ADGRV1: variants seen among roughly 807,000 people sequenced by gnomAD.
ADGRV1 encodes G-protein coupled receptor 98.
In ADGRV1, 359 loss-of-function variants were observed where a neutral mutation model predicts 596.2. The observed-to-expected ratio is 0.60, with a 90% CI of 0.55 to 0.66. ADGRV1 has a LOEUF of 0.66. ADGRV1 is among the 30% of genes least tolerant of loss of function. ADGRV1 has a pLI of 0.00. For missense variants in ADGRV1, 7,274 were observed against 7,575.6 expected, an observed-to-expected ratio of 0.96 and a Z score of 1.48; for synonymous variants, 2,681 against 2,679.2, an observed-to-expected ratio of 1.00 and a Z score of -0.02.
intron 84 of ADGRV1, among the ~76,000 whole-genome samples, chr5:90,967,764 T>G (rs6860111): frequency 0.5 from 76,111 of 151,768 alleles, 20,663 homozygotes; most frequent in African/African-American, 0.71. Flanking sequence ...AAAACTAGAG[T>G]GAAAGAGACA....
intron 61 of ADGRV1, among the ~76,000 whole-genome samples, chr5:90,777,197 G>A (rs1758337789): frequency 6.6e-6 from 1 of 152,110 alleles, no homozygotes; most frequent in African/African-American, 2.4e-5. Context: ...GGTGGAAGGG[G>A]TGGAGGGGTG....
intron 85 of ADGRV1, among the ~76,000 whole-genome samples, chr5:91,027,767 G>A (rs747225169): frequency 1.3e-5 from 2 of 152,126 alleles, no homozygotes; most frequent in Non-Finnish European, 2.9e-5. Context: ...AGTAAACAGC[G>A]GCCAAAGATA....
intron 83 of ADGRV1, among the ~76,000 whole-genome samples, chr5:90,926,520 T>C (rs1295486004): frequency 1.3e-5 from 2 of 151,754 alleles, no homozygotes; most frequent in Non-Finnish European, 2.9e-5. Context: ...GATTCTTCTC[T>C]CTTTTTTTTC....
At chr5:90,889,608 A>AT in intron 83 of ADGRV1, among the ~76,000 whole-genome samples, 1 of 151,896 alleles carries the variant, frequency 6.6e-6, no homozygotes, top group Non-Finnish European at 1.5e-5. Context: ...TTTTTTCCTC[A>AT]TTTTTTCACC....
In ADGRV1 at chr5:91,102,445, G is replaced by C. The variant is rs946997193; in HGVS notation, c.18432+105G>C. 2.2e-5 allele frequency: 21 copies of C among 969,536 alleles called. 2 individuals are homozygous for C. In the South Asian group the frequency reaches 4.5e-4, roughly 21 times the overall value. 60.1% of individuals were successfully genotyped at this position (969,536 alleles called of 1,614,324 possible). A position where few individuals can be genotyped will look rare whatever the true frequency, so the allele number is the denominator to read the frequency against. ...CAAGCATCCACACACAGGTGAATTT[G>C]TGTACATAATAACATCATATAGAGT... On this transcript the variant is annotated intron_variant, in intron 87 of 89. Coordinates refer to ENST00000405460, the MANE Select transcript of ADGRV1 (RefSeq NM_032119.4).
Position 90,853,344 on chromosome 5 carries a change from T to A in ADGRV1, c.17265T>A (p.Pro5755=). 6.2e-7 allele frequency: 1 copy of A among 1,613,450 alleles called. No individual in the cohort carries two copies. Among genetic ancestry groups the A allele is most frequent in the South Asian group, 1.1e-5 (1 of 91,032 alleles). Residue 5755 remains proline (P), a synonymous_variant, in exon 80 of 90, where the codon CCT becomes CCA. Transcript: ENST00000405460. The stretch of plus-strand genomic sequence containing the variant: ...CAATATTGGCTCTTCACTGGTATCC[T>A]CAGCAAATCAATGGACACAAGTTTG... ...YLSILALHWY[P]QQINGHKFEG... is the part of the protein sequence containing the mutation.
intron 57 of ADGRV1, 73 bp from the exon 58 acceptor site, chr5:90,759,332 ATTAT>A (rs1252282277): frequency 9.1e-7 from 1 of 1,100,396 alleles, no homozygotes; most frequent in East Asian, 2.6e-5. Flanking sequence ...CTGTGATTAC[ATTAT>A]TTCTTTCCTC....
intron 84 of ADGRV1, 22 bp downstream of exon 84, chr5:90,965,553 C>A (rs756847735): frequency 7.3e-7 from 1 of 1,362,368 alleles, no homozygotes; most frequent in Non-Finnish European, 1.0e-6. Context: ...ATTCCCTCTC[C>A]CCGCCCCTTT....
intron 39 of ADGRV1, among the ~76,000 whole-genome samples, chr5:90,710,266 A>C (rs1050654168): frequency 6.6e-6 from 1 of 152,206 alleles, no homozygotes; most frequent in African/African-American, 2.4e-5. Context: ...AACCAAACCA[A>C]AACACTAATC....
chr5:90,923,430 T>C (rs1774078228), intron 83 of ADGRV1, among the ~76,000 whole-genome samples: 2 of 151,968 alleles, frequency 1.3e-5, no homozygotes, highest in South Asian at 4.1e-4. Flanking sequence ...TGTTTAAATA[T>C]ATAAAATTTA....
chr5:90,963,361 T>C (rs1778184354), intron 83 of ADGRV1, among the ~76,000 whole-genome samples: 1 of 152,060 alleles, frequency 6.6e-6, no homozygotes, highest in Admixed American at 6.6e-5. Context: ...TGACCTATAA[T>C]AAAGGTCAGA....
rs560519425 is a variant in ADGRV1, at chr5:91,064,416, T to G, written c.18153-8031T>G. Among the ~76,000 whole-genome samples, 137 of 152,356 alleles carry G rather than the reference T, an allele frequency of 9.0e-4. No individual in the cohort carries two copies. The Middle Eastern group carries it at 0.014, about 15-fold the overall frequency. On this transcript the variant is annotated intron_variant, in intron 85 of 89. Coordinates refer to ENST00000405460, the MANE Select transcript of ADGRV1 (RefSeq NM_032119.4). The stretch of plus-strand genomic sequence containing the variant: ...AACAATAATGGGTTCTAGTTATGTT[T>G]CAGTGGGATAATGCATGTGAGGATT...
At position 90,851,134 on chromosome 5, in the gene ADGRV1, T is replaced by TGTGTGTGTGTGTGTGAGAGAGA. The variant is rs757909771; in HGVS notation, c.17205-2149_17205-2148insTGTGTGTGTGTGTGAGAGAGAG. On this transcript the variant is annotated intron_variant, in intron 79 of 89. Transcript: ENST00000405460. ...GTGTGTGTGTGTGTGTGTGTGTGTG[T>TGTGTGTGTGTGTGTGAGAGAGA]GAGAGAGAGAGAGAGAGAGAGAGAG... Among the ~76,000 whole-genome samples, 126 of 81,488 alleles carry TGTGTGTGTGTGTGTGAGAGAGA rather than the reference T, an allele frequency of 1.5e-3. 1 individual carries two copies. Among genetic ancestry groups the TGTGTGTGTGTGTGTGAGAGAGA allele is most frequent in the Non-Finnish European group, 2.6e-3 (99 of 37,928 alleles). The allele number at this position is 81,488 out of a possible 152,430, so 53.5% of individuals were successfully genotyped here.
At chr5:91,049,586 A>G (rs777629644) in intron 85 of ADGRV1, among the ~76,000 whole-genome samples, 3 of 152,238 alleles carry the variant, frequency 2.0e-5, no homozygotes, top group African/African-American at 2.4e-5. Context: ...TATTAATTCA[A>G]AATCAAGACA....
In ADGRV1 at chr5:91,112,816, G is replaced by A. The variant is rs73189067; in HGVS notation, c.18432+10476G>A. On this transcript the variant is annotated intron_variant, in intron 87 of 89. Transcript: ENST00000405460. Reference sequence around the variant, plus strand: ...TTTTACCAAGCAACGTGAGTTATCCGCTTTTCAGAGGTGCTGATTTTGCCT... The same window carrying A: ...TTTTACCAAGCAACGTGAGTTATCCACTTTTCAGAGGTGCTGATTTTGCCT... 3.6e-3 allele frequency among the ~76,000 whole-genome samples: 546 copies of A among 152,266 alleles called. 1 individual carries two copies. The highest frequency in any genetic ancestry group is 0.012 in the African/African-American group (507 of 41,556).
chr5:90,930,305 A>C (rs61646974), intron 83 of ADGRV1, among the ~76,000 whole-genome samples: 8,395 of 152,262 alleles, frequency 0.055, 385 homozygotes, highest in East Asian at 0.22. Context: ...GAGGCATATC[A>C]TGAGTCCTTC....
chr5:90,653,791 A>G lies in ADGRV1; in HGVS notation c.4217A>G (p.Asn1406Ser). ...CTTCATTATAAAACCTTGGGTTCCAATGCTACATACATTGCCAAGACAACA... is the reference window on the plus strand; with the variant it reads ...CTTCATTATAAAACCTTGGGTTCCAGTGCTACATACATTGCCAAGACAACA... ...LSLHYKTLGS[N>S]ATYIAKTTVM... Residue 1406 changes from asparagine to serine, a missense_variant, in exon 20 of 90, where the codon AAT becomes AGT. Around this residue, in one of 5 missense-constraint regions of ADGRV1, gnomAD observed 1,715 missense variants for 1,708.8 expected, o/e 1.00. Coordinates refer to ENST00000405460, the MANE Select transcript of ADGRV1 (RefSeq NM_032119.4). 1.2e-6 allele frequency: 2 copies of G among 1,613,564 alleles called. No individual in the cohort carries two copies. The highest frequency in any genetic ancestry group is 1.7e-6 in the Non-Finnish European group (2 of 1,179,742).
intron 39 of ADGRV1, among the ~76,000 whole-genome samples, chr5:90,710,153 C>T (rs1232052501): frequency 1.3e-5 from 2 of 152,156 alleles, no homozygotes; most frequent in Non-Finnish European, 2.9e-5. Flanking sequence ...TTACACTCTC[C>T]CTACCCTTTC....
intron 42 of ADGRV1, among the ~76,000 whole-genome samples, chr5:90,714,569 T>C (rs1463260379): frequency 6.6e-6 from 1 of 152,088 alleles, no homozygotes; most frequent in Non-Finnish European, 1.5e-5. Flanking sequence ...TTCTACTATT[T>C]TCATTGTTTT....
Sources: allele counts gnomAD v4.1 joint callset (sites outside exome capture counted in the v4.1 genomes callset), GRCh38; gene constraint gnomAD v4.1.1; regional missense constraint gnomAD v4.1.1; transcripts MANE v1.5; gene names NCBI Gene and HGNC (gene_info 2026-07-23, HGNC 2026-07-21).